The following NRXN3 variants were observed in gnomAD, a reference collection of about 807,000 sequenced individuals.
The protein encoded by NRXN3 is neurexin 3, also known as neurexin III.
NRXN3 carries 32 observed loss-of-function variants against 137.6 expected under a neutral mutation model. That is an observed-to-expected ratio of 0.23 (90% CI 0.18 to 0.31). The LOEUF (loss-of-function observed/expected upper bound fraction) is 0.31, where lower values mean the gene tolerates loss of function less well. Among genes scored for constraint, NRXN3 ranks in the 10% least tolerant of loss-of-function variants. The pLI, the probability that NRXN3 is intolerant of heterozygous loss-of-function variation, is 1.00. For synonymous variants in NRXN3, 798 were observed against 784.5 expected, an observed-to-expected ratio of 1.02 and a Z score of -0.29; for missense variants, 1,574 against 2,062.5, an observed-to-expected ratio of 0.76 and a Z score of 4.59.
At chr14:79,628,511 T>G (rs990896190) in intron 16 of NRXN3, among the ~76,000 whole-genome samples, 2 of 152,240 alleles carry the variant, frequency 1.3e-5, no homozygotes, top group Non-Finnish European at 2.9e-5. Flanking sequence ...GGGCTTTGAC[T>G]AGGCCCAGGT....
At chr14:78,290,785 C>T (rs1481586711) in intron 3 of NRXN3, among the ~76,000 whole-genome samples, 2 of 152,192 alleles carry the variant, frequency 1.3e-5, no homozygotes, top group Non-Finnish European at 2.9e-5. Context: ...TTGAGTTTCT[C>T]CATTCAAAAG....
intron 10 of NRXN3, among the ~76,000 whole-genome samples, chr14:78,943,642 ATATATATATATATATATATATATAT>A (rs1355712223): frequency 2.1e-5 from 1 of 48,454 alleles, no homozygotes; most frequent in Non-Finnish European, 3.5e-5. Context: ...ATATATATAT[ATATATATATATATATATATATATAT>A]ATATATATAT....
chr14:79,231,127 C>T (rs2072101954), intron 15 of NRXN3, among the ~76,000 whole-genome samples: 1 of 152,102 alleles, frequency 6.6e-6, no homozygotes, highest in Non-Finnish European at 1.5e-5. Context: ...CAAGACTAAA[C>T]AATTTGATTC....
chr14:78,939,177 C>G (rs1031024418), intron 10 of NRXN3, among the ~76,000 whole-genome samples: 1 of 152,148 alleles, frequency 6.6e-6, no homozygotes, highest in Non-Finnish European at 1.5e-5. Flanking sequence ...TAATCTGACC[C>G]TGTCATTCCC....
At chr14:78,755,227 A>C (rs1259651937) in intron 8 of NRXN3, among the ~76,000 whole-genome samples, 3 of 137,380 alleles carry the variant, frequency 2.2e-5, no homozygotes, top group Admixed American at 1.5e-4. Context: ...GGGTCTTGCT[A>C]TGTCGCCCAG....
At chr14:79,727,585 A>G in intron 19 of NRXN3, among the ~76,000 whole-genome samples, 1 of 152,100 alleles carries the variant, frequency 6.6e-6, no homozygotes, top group Admixed American at 6.6e-5. Context: ...AGCTCCATGT[A>G]TGCTGCAGAT....
chr14:78,798,380 A>G (rs986842278), intron 8 of NRXN3, among the ~76,000 whole-genome samples: 3 of 152,166 alleles, frequency 2.0e-5, no homozygotes, highest in Non-Finnish European at 4.4e-5. Context: ...TTGACTCCAT[A>G]TCTCACATCT....
chr14:78,706,085 T>C (rs934037485), intron 6 of NRXN3, among the ~76,000 whole-genome samples: 9 of 152,358 alleles, frequency 5.9e-5, no homozygotes, highest in Middle Eastern at 3.4e-3. Flanking sequence ...TAGCAATGCC[T>C]GATCTCTCTT....
Position 79,019,648 on chromosome 14 carries a change from G to T in NRXN3, c.3262+31507G>T, listed in dbSNP as rs951324212. ...AAAGGAAACTCCAAAAGGTGTAGAA[G>T]AATTACAGCATCCTAGTGACACAGA... On this transcript the variant is annotated intron_variant, in intron 15 of 20. Coordinates refer to ENST00000335750, the MANE Select transcript of NRXN3 (RefSeq NM_001330195.2). Among the ~76,000 whole-genome samples the T allele has an allele frequency of 3.3e-5, 5 of 152,272 alleles. No homozygotes were observed. The East Asian group carries it at 9.7e-4, about 29-fold the overall frequency.
chr14:78,907,258 A>T (rs2152764784), intron 10 of NRXN3, among the ~76,000 whole-genome samples: 1 of 152,132 alleles, frequency 6.6e-6, no homozygotes, highest in South Asian at 2.1e-4. Flanking sequence ...TGCTCTTCAT[A>T]AACATATGAG....
At chr14:79,169,594 A>G (rs2061591326) in intron 15 of NRXN3, among the ~76,000 whole-genome samples, 4 of 152,028 alleles carry the variant, frequency 2.6e-5, no homozygotes, top group Admixed American at 2.6e-4. Flanking sequence ...CTTCATTTCA[A>G]CTTAGCCTAT....
chr14:78,292,437 A>G (rs998859989), intron 3 of NRXN3, among the ~76,000 whole-genome samples: 12 of 152,268 alleles, frequency 7.9e-5, no homozygotes, highest in African/African-American at 2.6e-4. Context: ...CCTGTGCGCC[A>G]CAGATAGGCA....
intron 10 of NRXN3, among the ~76,000 whole-genome samples, chr14:78,933,241 A>G (rs895253645): frequency 3.3e-5 from 5 of 152,232 alleles, no homozygotes; most frequent in African/African-American, 1.2e-4. Flanking sequence ...GGAGGTCAGT[A>G]CATATTTGAA....
At chr14:78,693,418 GTT>G (rs968043517) in intron 6 of NRXN3, among the ~76,000 whole-genome samples, 1 of 151,586 alleles carries the variant, frequency 6.6e-6, no homozygotes, top group Non-Finnish European at 1.5e-5. Context: ...GTTTTGTTTT[GTT>G]TTTTCCCCCA....
chr14:78,541,203 G>A (rs1600172256), intron 4 of NRXN3, among the ~76,000 whole-genome samples: 1 of 152,176 alleles, frequency 6.6e-6, no homozygotes, highest in South Asian at 2.1e-4. Context: ...ATATCCTGAA[G>A]AGTGTTTTCC....
chr14:78,635,510 A>G (rs968072831), intron 4 of NRXN3, among the ~76,000 whole-genome samples: 1 of 152,126 alleles, frequency 6.6e-6, no homozygotes. Flanking sequence ...TTCATTGTGG[A>G]TATTTTTCAT....
chr14:79,752,973 T>C (rs1263749469), intron 19 of NRXN3, among the ~76,000 whole-genome samples: 1 of 152,102 alleles, frequency 6.6e-6, no homozygotes, highest in Non-Finnish European at 1.5e-5. Flanking sequence ...GAAAAAATGC[T>C]CATCATCACT....
intron 17 of NRXN3, among the ~76,000 whole-genome samples, chr14:79,682,909 A>G (rs191936113): frequency 3.3e-5 from 5 of 152,284 alleles, no homozygotes; most frequent in Admixed American, 6.5e-5. Flanking sequence ...ATGGACATCT[A>G]CATCTGTCAC....
At position 79,179,510 on chromosome 14, in the gene NRXN3, C is replaced by T. The variant is rs2062697096; in HGVS notation, c.3262+191369C>T. Among the ~76,000 whole-genome samples, 3 of 152,280 alleles carry T rather than the reference C, an allele frequency of 2.0e-5. No homozygotes were observed. In the South Asian group the frequency reaches 6.2e-4, roughly 32 times the overall value. On this transcript the variant is annotated intron_variant, in intron 15 of 20. Coordinates refer to ENST00000335750, the MANE Select transcript of NRXN3 (RefSeq NM_001330195.2). ...AGCATTAGCAAATTCCCAGTTCCCA[C>T]CTCAAACCTGCTGAGTCTGAAACTC...
Sources: gnomAD v4.1 joint callset for allele counts (sites outside exome capture counted in the v4.1 genomes callset) on GRCh38, gnomAD v4.1.1 for gene constraint, MANE v1.5 for transcripts, NCBI Gene and HGNC (gene_info 2026-07-23, HGNC 2026-07-21) for gene names.